Variants in TUSC3 observed in about 807,000 individuals in gnomAD.
TUSC3 encodes the protein dolichyl-diphosphooligosaccharide--protein glycosyltransferase subunit TUSC3.
Under a neutral mutation model 44.8 loss-of-function variants are expected in TUSC3, and 45 were observed. The observed-to-expected ratio is 1.00, with a 90% CI of 0.79 to 1.29. The LOEUF is 1.29. Ranked by LOEUF, TUSC3 falls within the 50% of genes most tolerant of loss-of-function variation. The pLI is 0.00. For missense variants in TUSC3, 519 were observed against 437.9 expected (o/e 1.19, Z -1.65); for synonymous variants, 212 against 152.9 (o/e 1.39, Z -2.85).
intron 1 of TUSC3, among the ~76,000 whole-genome samples, chr8:15,613,958 G>C (rs1286774899): frequency 6.6e-6 from 1 of 151,168 alleles, no homozygotes; most frequent in Admixed American, 6.6e-5. Flanking sequence ...CATTTTCCCT[G>C]TGTTATCTCC....
Position 15,752,168 on chromosome 8 carries a change from A to C in TUSC3, c.1028+3703A>C, listed in dbSNP as rs375691001. Among the ~76,000 whole-genome samples, 146 of 152,234 alleles carry C rather than the reference A, an allele frequency of 9.6e-4. 2 individuals carry two copies. The South Asian group carries it at 0.03, about 31-fold the overall frequency. On this transcript the variant is annotated intron_variant, in intron 9 of 10. Transcript: ENST00000503731. ...TGGGTCTGAGAAAGGAAGACTCCAGAAGAAGGCTTGAATTAGGCTAAAATT... is the reference window on the plus strand; with the variant it reads ...TGGGTCTGAGAAAGGAAGACTCCAGCAGAAGGCTTGAATTAGGCTAAAATT...
At chr8:15,713,728 A>G (rs1317817161) in intron 6 of TUSC3, among the ~76,000 whole-genome samples, 1 of 151,916 alleles carries the variant, frequency 6.6e-6, no homozygotes, top group African/African-American at 2.4e-5. Flanking sequence ...GATGCCAATT[A>G]TATTGGATTA....
chr8:15,421,931 A>T (rs1275134523), intron 1 of TUSC3, among the ~76,000 whole-genome samples: 1 of 152,126 alleles, frequency 6.6e-6, no homozygotes, highest in Non-Finnish European at 1.5e-5. Flanking sequence ...GTTTTCTTTT[A>T]AAAAATCACT....
At chr8:15,594,802 A>T (rs894141843) in intron 1 of TUSC3, among the ~76,000 whole-genome samples, 9 of 152,156 alleles carry the variant, frequency 5.9e-5, no homozygotes, top group African/African-American at 1.7e-4. Flanking sequence ...TTTTTATGCA[A>T]CAAGTTACAT....
the TUSC3 span, among the ~76,000 whole-genome samples, chr8:15,798,742 G>A: frequency 6.6e-6 from 1 of 151,980 alleles, no homozygotes; most frequent in Admixed American, 6.6e-5. Context: ...TGCATCCTCG[G>A]GCCAACTAAG....
At chr8:15,633,561 C>T (rs1028346333) in intron 2 of TUSC3, among the ~76,000 whole-genome samples, 3 of 152,086 alleles carry the variant, frequency 2.0e-5, no homozygotes, top group South Asian at 2.1e-4. Flanking sequence ...CCAATATGAC[C>T]GATGCCATAT....
intron 1 of TUSC3, among the ~76,000 whole-genome samples, chr8:15,427,034 C>G (rs1203962668): frequency 6.7e-6 from 1 of 148,968 alleles, no homozygotes; most frequent in Non-Finnish European, 1.5e-5. Flanking sequence ...ATGTTTAAGT[C>G]TTTTACCCAT....
intron 1 of TUSC3, among the ~76,000 whole-genome samples, chr8:15,432,574 A>G (rs1179451824): frequency 6.6e-6 from 1 of 152,146 alleles, no homozygotes; most frequent in Non-Finnish European, 1.5e-5. Context: ...TTTTTTCTTG[A>G]TAATGAGACA....
intron 2 of TUSC3, among the ~76,000 whole-genome samples, chr8:15,633,652 C>A (rs1805922456): frequency 6.6e-6 from 1 of 151,940 alleles, no homozygotes; most frequent in Non-Finnish European, 1.5e-5. Context: ...CTTTTGATGG[C>A]AGAGGTGGGG....
At chr8:15,742,098 T>C (rs1050886691) in intron 7 of TUSC3, among the ~76,000 whole-genome samples, 5 of 152,214 alleles carry the variant, frequency 3.3e-5, no homozygotes, top group Admixed American at 6.5e-5. Context: ...ACAGTCATTC[T>C]CTTAGAATAT....
intron 1 of TUSC3, among the ~76,000 whole-genome samples, chr8:15,598,542 T>G (rs974785221): frequency 6.6e-6 from 1 of 151,824 alleles, no homozygotes; most frequent in Admixed American, 6.6e-5. Context: ...GGTAAATGTT[T>G]AATGAAATGT....
At chr8:15,689,199 A>G (rs1028818645) in intron 6 of TUSC3, 2 of 367,118 alleles carry the variant, frequency 5.4e-6, no homozygotes, top group South Asian at 2.4e-5. Context: ...AAGGGCTGCT[A>G]AGCATTCCAT....
At chr8:15,738,822 T>C (rs1811046348) in intron 7 of TUSC3, among the ~76,000 whole-genome samples, 1 of 136,626 alleles carries the variant, frequency 7.3e-6, no homozygotes, top group Non-Finnish European at 1.6e-5. Context: ...TATTAATATA[T>C]CTTGCTTTTT....
intron 6 of TUSC3, among the ~76,000 whole-genome samples, chr8:15,726,207 A>G (rs983577700): frequency 6.6e-6 from 1 of 152,180 alleles, no homozygotes; most frequent in Admixed American, 6.5e-5. Context: ...GATATATAGT[A>G]TATTTAGCTT....
chr8:15,843,165 G>C, the TUSC3 span, among the ~76,000 whole-genome samples: 3 of 152,092 alleles, frequency 2.0e-5, no homozygotes, highest in Admixed American at 1.3e-4. Context: ...CTTCTCAAGA[G>C]TTTCTCTATA....
chr8:15,670,970 G>A (rs1275757235), intron 5 of TUSC3, among the ~76,000 whole-genome samples: 3 of 151,928 alleles, frequency 2.0e-5, no homozygotes, highest in African/African-American at 7.2e-5. Flanking sequence ...TAAAATGACA[G>A]TGTGACACTA....
intron 1 of TUSC3, among the ~76,000 whole-genome samples, chr8:15,447,831 G>A (rs1177052664): frequency 5.3e-5 from 8 of 151,156 alleles, no homozygotes; most frequent in African/African-American, 1.5e-4. Flanking sequence ...GATACCATGC[G>A]AGAACCCATA....
chr8:15,630,652 T>G (rs1805717547), intron 2 of TUSC3, among the ~76,000 whole-genome samples: 1 of 152,200 alleles, frequency 6.6e-6, no homozygotes, highest in Admixed American at 6.5e-5. Context: ...TTCATTATTG[T>G]CTCTATTCTG....
intron 5 of TUSC3, among the ~76,000 whole-genome samples, chr8:15,664,790 A>G (rs945513388): frequency 6.7e-6 from 1 of 149,466 alleles, no homozygotes; most frequent in African/African-American, 2.4e-5. Flanking sequence ...GATTAAATAT[A>G]TAATATATAA....
Sources: gnomAD v4.1 joint callset for allele counts (sites outside exome capture counted in the v4.1 genomes callset) on GRCh38, gnomAD v4.1.1 for gene constraint, MANE v1.5 for transcripts, NCBI Gene and HGNC (gene_info 2026-07-23, HGNC 2026-07-21) for gene names.